PTPRE: variants seen among roughly 807,000 people sequenced by gnomAD.
PTPRE encodes receptor-type tyrosine-protein phosphatase epsilon.
PTPRE carries 51 observed loss-of-function variants against 102.0 expected under a neutral mutation model. The observed-to-expected ratio is 0.50, with a 90% CI of 0.40 to 0.63. The LOEUF is 0.63. PTPRE is among the 30% of genes least tolerant of loss of function. The pLI is 0.00. For synonymous variants in PTPRE, 345 were observed against 348.2 expected (o/e 0.99, Z 0.10); for missense variants, 752 against 915.1 (o/e 0.82, Z 2.30).
chr10:128,028,906 C>T lies in PTPRE; in HGVS notation c.-7-11969C>T, dbSNP rs1846487769. On this transcript the variant is annotated intron_variant, in intron 2 of 20. Coordinates refer to ENST00000254667, the MANE Select transcript of PTPRE (RefSeq NM_006504.6). This position sits in a 1 kb window ranked among gnomAD's most constrained non-coding sequence, Gnocchi z 4.5. The stretch of plus-strand genomic sequence containing the variant: ...GCTGTCCCCTCTGGCCTCAGCTGTC[C>T]TCCTCGAGGAGCGCTATCCTGCTCC... Among the ~76,000 whole-genome samples the T allele has an allele frequency of 6.6e-6, 1 of 152,218 alleles. No homozygotes were observed. Among genetic ancestry groups the T allele is most frequent in the Admixed American group, 6.5e-5 (1 of 15,282 alleles).
intron 2 of PTPRE, among the ~76,000 whole-genome samples, chr10:128,009,474 G>C (rs1844792911): frequency 6.6e-6 from 1 of 152,208 alleles, no homozygotes; most frequent in Non-Finnish European, 1.5e-5. Flanking sequence ...TCAGGGCACG[G>C]AGCTGACATT....
intron 3 of PTPRE, among the ~76,000 whole-genome samples, chr10:128,044,128 G>A (rs1296252905): frequency 6.6e-6 from 1 of 152,142 alleles, no homozygotes; most frequent in Non-Finnish European, 1.5e-5. Context: ...GGAAAGATAC[G>A]CTTTGAAATC....
intron 2 of PTPRE, among the ~76,000 whole-genome samples, chr10:128,033,445 A>G (rs1371918154): frequency 1.3e-5 from 2 of 152,200 alleles, no homozygotes; most frequent in Non-Finnish European, 2.9e-5. Context: ...GAATCCCAAT[A>G]CAACTTGGAT....
intron 9 of PTPRE, 118 bp downstream of exon 9, chr10:128,061,833 C>A: frequency 8.1e-7 from 1 of 1,239,134 alleles, no homozygotes; most frequent in Non-Finnish European, 1.1e-6. Context: ...GTGTTTACAC[C>A]TAACAGACAC....
At chr10:127,998,318 A>C (rs1441380984) in intron 2 of PTPRE, 1 of 152,240 alleles carries the variant, frequency 6.6e-6, no homozygotes, top group Non-Finnish European at 1.5e-5. Flanking sequence ...GGGGAAGCTG[A>C]GGCTGAAGTA....
chr10:128,073,556 G>T (rs1850968860), intron 17 of PTPRE, 85 bp downstream of exon 17: 1 of 1,488,810 alleles, frequency 6.7e-7, no homozygotes, highest in Non-Finnish European at 9.0e-7. Flanking sequence ...TGTCCCACCT[G>T]CCATCACTGC....
chr10:127,950,281 G>A (rs1472142907), intron 1 of PTPRE, among the ~76,000 whole-genome samples: 3 of 152,206 alleles, frequency 2.0e-5, no homozygotes, highest in African/African-American at 4.8e-5. Context: ...AGATTCTGCA[G>A]TTAATGCTGC....
rs111620566 is a variant in PTPRE, at chr10:127,970,992, G to A, written c.-30-11282G>A. Among the ~76,000 whole-genome samples the A allele has an allele frequency of 6.1e-4, 93 of 152,214 alleles. 2 individuals carry two copies. The highest frequency in any genetic ancestry group is 3.4e-3 in the Middle Eastern group (1 of 294). Reference sequence around the variant, plus strand: ...AAAATTAATTGATGTAGCAAAATCAGCTGCAGTCATTATCCTGTCCCATAT... The same window carrying A: ...AAAATTAATTGATGTAGCAAAATCAACTGCAGTCATTATCCTGTCCCATAT... On this transcript the variant is annotated intron_variant, in intron 1 of 20. Transcript: ENST00000254667.
chr10:127,967,771 G>A (rs746402147), intron 1 of PTPRE, among the ~76,000 whole-genome samples: 1 of 152,138 alleles, frequency 6.6e-6, no homozygotes, highest in Non-Finnish European at 1.5e-5. Context: ...CATTCCCCCA[G>A]CCCAATCCCC....
intron 1 of PTPRE, among the ~76,000 whole-genome samples, chr10:127,962,178 G>T (rs531808059): frequency 2.0e-5 from 3 of 152,186 alleles, no homozygotes; most frequent in African/African-American, 4.8e-5. Context: ...GGGTGCCAGT[G>T]GGGGGTGAGG....
At chr10:128,043,266 T>G (rs1286091733) in intron 3 of PTPRE, among the ~76,000 whole-genome samples, 1 of 152,228 alleles carries the variant, frequency 6.6e-6, no homozygotes, top group Non-Finnish European at 1.5e-5. Context: ...GTGGGAGCCC[T>G]GAGCTTGTGT....
chr10:127,919,893 A>G lies in PTPRE; in HGVS notation c.-31+12584A>G, dbSNP rs113388790. On this transcript the variant is annotated intron_variant, in intron 1 of 20. Coordinates refer to ENST00000254667, the MANE Select transcript of PTPRE (RefSeq NM_006504.6). ...TGCTGGGTAGAAATCAGTGACATCAATCGTGGTTATTTTACTTAGCAGTGG... is the reference window on the plus strand; with the variant it reads ...TGCTGGGTAGAAATCAGTGACATCAGTCGTGGTTATTTTACTTAGCAGTGG... Among the ~76,000 whole-genome samples the G allele has an allele frequency of 9.2e-5, 14 of 151,878 alleles. No homozygotes were observed. The East Asian group carries it at 9.7e-4, about 11-fold the overall frequency.
At chr10:127,959,704 G>T (rs983279062) in intron 1 of PTPRE, among the ~76,000 whole-genome samples, 3 of 152,352 alleles carry the variant, frequency 2.0e-5, no homozygotes, top group African/African-American at 7.2e-5. Context: ...TGTGGAGTCA[G>T]ACCTTCCCCA....
At chr10:127,991,172 A>G (rs1235472051) in intron 2 of PTPRE, among the ~76,000 whole-genome samples, 2 of 152,222 alleles carry the variant, frequency 1.3e-5, no homozygotes, top group Middle Eastern at 3.2e-3. Context: ...CACCGGGATG[A>G]AGTTAGAAAT....
rs187699017 is a variant in PTPRE, at chr10:127,963,339, G to A, written c.-30-18935G>A. Among the ~76,000 whole-genome samples the A allele has an allele frequency of 4.9e-3, 746 of 152,236 alleles. 4 individuals carry two copies. Among genetic ancestry groups the A allele is most frequent in the South Asian group, 0.022 (105 of 4,806 alleles). Reference sequence around the variant, plus strand: ...CTGTCAGCCAAGGCCACTCCCTACAGGATGCCTTCCCTGACTGCTGCTCTG... The same window carrying A: ...CTGTCAGCCAAGGCCACTCCCTACAAGATGCCTTCCCTGACTGCTGCTCTG... On this transcript the variant is annotated intron_variant, in intron 1 of 20. Coordinates refer to ENST00000254667, the MANE Select transcript of PTPRE (RefSeq NM_006504.6).
At chr10:127,927,574 C>A (rs887785689) in intron 1 of PTPRE, among the ~76,000 whole-genome samples, 1 of 152,198 alleles carries the variant, frequency 6.6e-6, no homozygotes, top group African/African-American at 2.4e-5. Context: ...TTTGTCTCCC[C>A]AACCCAGGGC....
chr10:127,940,524 C>G (rs1308198111), intron 1 of PTPRE, among the ~76,000 whole-genome samples: 7 of 151,886 alleles, frequency 4.6e-5, no homozygotes, highest in African/African-American at 1.7e-4. Context: ...CTGGCAGAGT[C>G]CCCCTGCTTC....
At chr10:127,931,419 T>C (rs1800975107) in intron 1 of PTPRE, among the ~76,000 whole-genome samples, 7 of 152,252 alleles carry the variant, frequency 4.6e-5, no homozygotes. Flanking sequence ...AAATGTTCTT[T>C]ACATTTTTGC....
At position 128,078,315 on chromosome 10, in the gene PTPRE, G is replaced by T. The variant is rs1352618345; in HGVS notation, c.1892+532G>T. 2.6e-5 allele frequency among the ~76,000 whole-genome samples: 4 copies of T among 152,234 alleles called. No individual in the cohort carries two copies. In the East Asian group the frequency reaches 7.7e-4, roughly 29 times the overall value. On this transcript the variant is annotated intron_variant, in intron 19 of 20. Transcript: ENST00000254667. ...GGGACACCCTGGGCAGGTGGGACAT[G>T]CTTAGTCCGCAGGTGAAGGCGTGAA...
Sources: gnomAD v4.1 joint callset for allele counts (sites outside exome capture counted in the v4.1 genomes callset) on GRCh38, gnomAD v4.1.1 for gene constraint, Gnocchi (gnomAD v3.1) non-coding constraint, MANE v1.5 for transcripts, NCBI Gene and HGNC (gene_info 2026-07-23, HGNC 2026-07-21) for gene names.